The following COPG2 variants were observed in gnomAD, a reference collection of about 807,000 sequenced individuals.
The protein encoded by COPG2 is coatomer subunit gamma-2.
COPG2 carries 37 observed loss-of-function variants against 46.3 expected under a neutral mutation model. The ratio of observed to expected loss-of-function variants is 0.80; its 90% CI spans 0.61 to 1.05. The LOEUF is 1.05. Among genes scored for constraint, COPG2 ranks in the 50% least tolerant of loss-of-function variants. The pLI is 0.00. For synonymous variants in COPG2, 159 were observed against 129.7 expected (o/e 1.23, Z -1.53); for missense variants, 427 against 387.8 (o/e 1.10, Z -0.85).
At chr7:130,660,813 G>A (rs578034979) in intron 4 of COPG2, among the ~76,000 whole-genome samples, 11 of 152,148 alleles carry the variant, frequency 7.2e-5, no homozygotes, top group African/African-American at 2.7e-4. Flanking sequence ...TCACACTCCT[G>A]ACTCCAAACT....
chr7:130,626,593 T>A (rs966603989), intron 5 of COPG2, among the ~76,000 whole-genome samples: 3 of 151,972 alleles, frequency 2.0e-5, no homozygotes, highest in Non-Finnish European at 2.9e-5. Context: ...CTGAACGAAA[T>A]CGGCCAGAAG....
At chr7:130,507,064 CTG>C (rs1483447135) in intron 23 of COPG2, among the ~76,000 whole-genome samples, 1 of 152,152 alleles carries the variant, frequency 6.6e-6, no homozygotes, top group Non-Finnish European at 1.5e-5. Context: ...GCCTTGGTAT[CTG>C]TTGGAGAGAT....
intron 9 of COPG2, among the ~76,000 whole-genome samples, chr7:130,574,640 A>T (rs797031177): frequency 2.0e-5 from 3 of 152,234 alleles, no homozygotes; most frequent in African/African-American, 7.2e-5. Flanking sequence ...AAGGCTCTTT[A>T]ACACCTCCCC....
intron 4 of COPG2, among the ~76,000 whole-genome samples, chr7:130,654,597 T>C (rs1446485385): frequency 6.6e-6 from 1 of 152,210 alleles, no homozygotes; most frequent in Non-Finnish European, 1.5e-5. Context: ...CTCATATACG[T>C]ATAAGGAATC....
chr7:130,540,386 C>T (rs1165277718), intron 20 of COPG2, among the ~76,000 whole-genome samples: 2 of 151,778 alleles, frequency 1.3e-5, no homozygotes, highest in Admixed American at 6.6e-5. Context: ...GCAGGCCGAT[C>T]TTGTAAGGGA....
At chr7:130,555,001 C>G in intron 13 of COPG2, 36 bp downstream of exon 13, 1 of 398,350 alleles carries the variant, frequency 2.5e-6, no homozygotes, top group Non-Finnish European at 4.4e-6. Context: ...GAATTTAAGA[C>G]AGCAACTTCC....
intron 11 of COPG2, among the ~76,000 whole-genome samples, chr7:130,561,953 A>G (rs1793728301): frequency 1.3e-5 from 2 of 152,206 alleles, no homozygotes; most frequent in South Asian, 4.1e-4. Context: ...TGGGGTTAGT[A>G]AATAAGAGAT....
chr7:130,616,215 GCAAAATACTCTATGAACTGCAT>G (rs1794946665), intron 6 of COPG2, among the ~76,000 whole-genome samples: 1 of 152,070 alleles, frequency 6.6e-6, no homozygotes, highest in Admixed American at 6.5e-5. Flanking sequence ...TTTTCCAAGT[GCAAAATACTCTATGAACTGCAT>G]CATTTGCTGT....
intron 5 of COPG2, among the ~76,000 whole-genome samples, chr7:130,637,668 C>T (rs533243426): frequency 1.3e-5 from 2 of 152,276 alleles, no homozygotes; most frequent in Non-Finnish European, 2.9e-5. Flanking sequence ...TGGGTTAGAA[C>T]ATGCTCCGTT....
intron 16 of COPG2, 48 bp downstream of exon 16, chr7:130,551,193 A>C (rs1793530879): frequency 2.5e-6 from 1 of 398,308 alleles, no homozygotes; most frequent in Non-Finnish European, 4.4e-6. Context: ...ATATGCTTCC[A>C]AGACACCATT....
In COPG2 at chr7:130,551,354, G is replaced by C. The variant is rs1793532551; in HGVS notation, c.1545-10C>G. 3 of 398,348 alleles carry C rather than the reference G, an allele frequency of 7.5e-6. No individual in the cohort carries two copies. The highest frequency in any genetic ancestry group is 8.9e-6 in the Non-Finnish European group (2 of 225,934). The allele number at this position is 398,348 out of a possible 1,614,324, so 24.7% of individuals were successfully genotyped here. ...AGTATCCATCATACACCTGTCCAGG[G>C]GAAACAGAATAGTCATGTCACAGTA... On this transcript the variant is annotated splice_polypyrimidine_tract_variant and intron_variant, in intron 15 of 23. Coordinates refer to ENST00000425248, the MANE Select transcript of COPG2 (RefSeq NM_012133.6).
rs11886118 is a variant in COPG2, at chr7:130,636,275, G to A, written c.323+16594C>T. On this transcript the variant is annotated intron_variant, in intron 5 of 23. Coordinates refer to ENST00000425248, the MANE Select transcript of COPG2 (RefSeq NM_012133.6). Reference sequence around the variant, plus strand: ...AATATCCTTGTTAATTTTCTGTTTCGTTGATCTGTCTAATACTGACAGTGG... The same window carrying A: ...AATATCCTTGTTAATTTTCTGTTTCATTGATCTGTCTAATACTGACAGTGG... Among the ~76,000 whole-genome samples, 13 of 152,202 alleles carry A rather than the reference G, an allele frequency of 8.5e-5. 1 individual carries two copies. Among genetic ancestry groups the A allele is most frequent in the South Asian group, 2.1e-4 (1 of 4,828 alleles).
intron 20 of COPG2, among the ~76,000 whole-genome samples, chr7:130,544,956 C>A (rs1328386133): frequency 6.6e-6 from 1 of 151,804 alleles, no homozygotes; most frequent in African/African-American, 2.4e-5. Context: ...GATTTTTATA[C>A]ATTTATAAAG....
chr7:130,640,318 T>A (rs551434211), intron 5 of COPG2, among the ~76,000 whole-genome samples: 1 of 152,076 alleles, frequency 6.6e-6, no homozygotes, highest in African/African-American at 2.4e-5. Context: ...TGAAACTCAC[T>A]GTTGCTATAT....
At chr7:130,528,795 G>T (rs2116355662) in intron 20 of COPG2, among the ~76,000 whole-genome samples, 1 of 152,100 alleles carries the variant, frequency 6.6e-6, no homozygotes, top group African/African-American at 2.4e-5. Flanking sequence ...CTTGTTGAGA[G>T]CAGGAGGGAT....
intron 9 of COPG2, among the ~76,000 whole-genome samples, chr7:130,578,893 G>C (rs1794072752): frequency 6.7e-6 from 1 of 149,312 alleles, no homozygotes; most frequent in Non-Finnish European, 1.5e-5. Flanking sequence ...GAAAGTGATG[G>C]GGAGAATGGA....
At chr7:130,591,631 C>A (rs554619220) in intron 9 of COPG2, among the ~76,000 whole-genome samples, 5 of 147,354 alleles carry the variant, frequency 3.4e-5, no homozygotes, top group African/African-American at 1.0e-4. Flanking sequence ...CGGCCAGCCG[C>A]CCCGTCCGGT....
At chr7:130,632,560 A>G (rs1795252350) in intron 5 of COPG2, among the ~76,000 whole-genome samples, 1 of 151,956 alleles carries the variant, frequency 6.6e-6, no homozygotes, top group Admixed American at 6.6e-5. Flanking sequence ...CCTCTTCTTC[A>G]GGGACTTCAA....
At chr7:130,541,249 G>A (rs1799933830) in intron 20 of COPG2, among the ~76,000 whole-genome samples, 1 of 152,208 alleles carries the variant, frequency 6.6e-6, no homozygotes, top group African/African-American at 2.4e-5. Context: ...CCAGACTCAA[G>A]GTGGAGGAGT....
Sources: gnomAD v4.1 joint callset for allele counts (sites outside exome capture counted in the v4.1 genomes callset) on GRCh38, gnomAD v4.1.1 for gene constraint, MANE v1.5 for transcripts, NCBI Gene and HGNC (gene_info 2026-07-23, HGNC 2026-07-21) for gene names.